NDUFAF5: variants seen among roughly 807,000 people sequenced by gnomAD.
The protein encoded by NDUFAF5 is arginine-hydroxylase NDUFAF5, mitochondrial.
In NDUFAF5, 34 loss-of-function variants were observed where a neutral mutation model predicts 48.9. That is an observed-to-expected ratio of 0.70 (90% confidence interval 0.53 to 0.93). NDUFAF5 has a LOEUF of 0.93. Among genes scored for constraint, NDUFAF5 ranks in the 40% least tolerant of loss-of-function variants. NDUFAF5 has a pLI of 0.00. For synonymous variants in NDUFAF5, 153 were observed against 150.6 expected, an observed-to-expected ratio of 1.02 and a Z score of -0.12; for missense variants, 428 against 427.5, an observed-to-expected ratio of 1.00 and a Z score of -0.01.
rs200637594 is a variant in NDUFAF5 at position 13,817,165 on chromosome 20, A to G, written c.993A>G (p.Leu331=). 1.9e-6 allele frequency: 3 copies of G among 1,614,040 alleles called. No individual in the cohort carries two copies. The highest frequency in any genetic ancestry group is 2.7e-5 in the African/African-American group (2 of 75,052). The part of the protein sequence containing the change: ...RGSATVSFGE[L]GKINNLMPPG... The stretch of plus-strand genomic sequence containing the variant: ...CCGCAACTGTGTCATTTGGAGAGCT[A>G]GGAAAAATAAACAACCTTATGCCAC... Residue 331 remains leucine (L), a synonymous_variant, in exon 11 of 11, where the codon CTA becomes CTG. Coordinates refer to ENST00000378106, the MANE Select transcript of NDUFAF5 (RefSeq NM_024120.5).
intron 4 of NDUFAF5, 104 bp downstream of exon 4, chr20:13,793,331 C>T (rs536231927): frequency 2.9e-6 from 3 of 1,018,112 alleles, no homozygotes; most frequent in East Asian, 5.0e-5. Context: ...TTTTCTGACA[C>T]ATGAAAAGGA....
chr20:13,793,047 A>C lies in NDUFAF5; in HGVS notation c.328-133A>C. 8 of 902,928 alleles carry C rather than the reference A, an allele frequency of 8.9e-6. 1 individual carries two copies. In the South Asian group the frequency reaches 9.6e-5, roughly 11 times the overall value. The allele number at this position is 902,928 out of a possible 1,614,324, so 55.9% of individuals were successfully genotyped here. ...GTGTTATTAAAAGTATTTGTGTACC[A>C]TACTGGTTTTATGCAGAAATATACC... On this transcript the variant is annotated intron_variant, in intron 3 of 10. Transcript: ENST00000378106.
Position 13,818,236 on chromosome 20 carries a change from G to C in NDUFAF5, c.*1026G>C, listed in dbSNP as rs1986721430. The C allele has an allele frequency of 6.6e-6, 3 of 453,902 alleles. No individual in the cohort carries two copies. In the East Asian group the frequency reaches 2.1e-4, roughly 31 times the overall value. 28.1% of individuals were successfully genotyped at this position (453,902 alleles called of 1,614,324 possible). ...GGACTTTCCACATAGTAGATATTCA[G>C]TTACATTTTGAACTAATTATATAAC... On this transcript the variant is annotated 3_prime_UTR_variant, in exon 11 of 11. Transcript: ENST00000378106.
chr20:13,798,619 C>T (rs1362585379), intron 6 of NDUFAF5, 119 bp downstream of exon 6: 8 of 822,624 alleles, frequency 9.7e-6, no homozygotes, highest in Admixed American at 7.7e-5. Flanking sequence ...GGAAAGAAAT[C>T]GGTGAAATCA....
Position 13,819,827 on chromosome 20 carries a change from A to C in NDUFAF5, c.*2617A>C, listed in dbSNP as rs948809898. 3 of 152,220 alleles carry C rather than the reference A, an allele frequency of 2.0e-5. No individual in the cohort carries two copies. Among genetic ancestry groups the C allele is most frequent in the Non-Finnish European group, 4.4e-5 (3 of 68,034 alleles). The allele number at this position is 152,220 out of a possible 1,614,324, so 9.4% of individuals were successfully genotyped here. ...TGTCAATCTCAACACCTTGACCAAA[A>C]TGAACTTTCTTGAGTCATTTCTTCT... On this transcript the variant is annotated 3_prime_UTR_variant, in exon 11 of 11. Transcript: ENST00000378106.
intron 10 of NDUFAF5, 74 bp downstream of exon 10, chr20:13,817,031 G>A: frequency 6.5e-7 from 1 of 1,529,934 alleles, no homozygotes; most frequent in Non-Finnish European, 9.1e-7. Context: ...TTGGGGGAAG[G>A]GGTAATGTAA....
rs755912995 is a variant in NDUFAF5, at chr20:13,788,586, T to A, written c.264-3T>A. On this transcript the variant is annotated splice_polypyrimidine_tract_variant and splice_region_variant and intron_variant, in intron 2 of 10. Transcript: ENST00000378106. ...AGCATAACCTCTGTGTCTTTTTTTT[T>A]AGAAATTTCCCCCTTGCTTTGGATC... The A allele has an allele frequency of 1.4e-5, 23 of 1,608,080 alleles. No individual in the cohort carries two copies. Among genetic ancestry groups the A allele is most frequent in the Non-Finnish European group, 1.9e-5 (22 of 1,174,672 alleles).
intron 6 of NDUFAF5, among the ~76,000 whole-genome samples, chr20:13,799,079 T>C (rs1189453491): frequency 6.6e-6 from 1 of 152,090 alleles, no homozygotes; most frequent in African/African-American, 2.4e-5. Context: ...AATCACAGGA[T>C]AGGTGGAGAG....
intron 8 of NDUFAF5, among the ~76,000 whole-genome samples, chr20:13,815,676 A>G (rs1986373097): frequency 6.6e-6 from 1 of 152,244 alleles, no homozygotes; most frequent in Non-Finnish European, 1.5e-5. Flanking sequence ...GAAACATTTG[A>G]TCATGTGTAA....
chr20:13,811,334 A>G (rs1162271873), intron 8 of NDUFAF5, among the ~76,000 whole-genome samples: 3 of 152,212 alleles, frequency 2.0e-5, no homozygotes, highest in Non-Finnish European at 4.4e-5. Flanking sequence ...TAAAGCAGTT[A>G]CAAGTGATAA....
rs552560834 is a variant in NDUFAF5 at position 13,813,811 on chromosome 20, C to G, written c.779-2652C>G. ...GAATAGGATATGCACATCCTTCACT[C>G]TCCTGATTAAGGAATGGTACCATAA... is the stretch of plus-strand genomic sequence containing the variant. On this transcript the variant is annotated intron_variant, in intron 8 of 10. Coordinates refer to ENST00000378106, the MANE Select transcript of NDUFAF5 (RefSeq NM_024120.5). Among the ~76,000 whole-genome samples the G allele has an allele frequency of 2.0e-5, 3 of 152,290 alleles. 1 individual carries two copies. In the South Asian group the frequency reaches 6.2e-4, roughly 32 times the overall value.
intron 3 of NDUFAF5, among the ~76,000 whole-genome samples, chr20:13,791,655 T>C (rs1300820459): frequency 1.3e-5 from 2 of 152,192 alleles, no homozygotes; most frequent in Non-Finnish European, 2.9e-5. Flanking sequence ...ACAGAGACAT[T>C]TGTTACAGAG....
chr20:13,820,157 A>G lies in NDUFAF5; in HGVS notation c.*2947A>G, dbSNP rs1456479748. ...ATTCCAGGTTGGCCTGGAGAATTCC[A>G]AAGGTAAATATGAAAATGTATACCT... is the stretch of plus-strand genomic sequence containing the variant. On this transcript the variant is annotated 3_prime_UTR_variant, in exon 11 of 11. Coordinates refer to ENST00000378106, the MANE Select transcript of NDUFAF5 (RefSeq NM_024120.5). 2 of 152,214 alleles carry G rather than the reference A, an allele frequency of 1.3e-5. No individual in the cohort carries two copies. The highest frequency in any genetic ancestry group is 4.8e-5 in the African/African-American group (2 of 41,452). The allele number at this position is 152,214 out of a possible 1,614,324, so 9.4% of individuals were successfully genotyped here.
At chr20:13,814,367 T>G in intron 8 of NDUFAF5, 1 of 923,418 alleles carries the variant, frequency 1.1e-6, no homozygotes, top group Non-Finnish European at 1.5e-6. Context: ...TGTATTTTTT[T>G]TCTTAATGGT....
In NDUFAF5 at chr20:13,811,931, G is replaced by T. The variant is rs533036442; in HGVS notation, c.778+3029G>T. Among the ~76,000 whole-genome samples the T allele has an allele frequency of 3.3e-5, 5 of 152,314 alleles. No individual in the cohort carries two copies. The South Asian group carries it at 1.0e-3, about 32-fold the overall frequency. ...GCCTTCATCTGGATCCTGAAAAATT[G>T]TAAGATGATTTAAAGAAAGAGGATT... On this transcript the variant is annotated intron_variant, in intron 8 of 10. Coordinates refer to ENST00000378106, the MANE Select transcript of NDUFAF5 (RefSeq NM_024120.5).
intron 3 of NDUFAF5, among the ~76,000 whole-genome samples, chr20:13,791,794 C>T (rs972063255): frequency 2.0e-5 from 3 of 152,146 alleles, no homozygotes; most frequent in Non-Finnish European, 4.4e-5. Context: ...TGTCTGGTTG[C>T]CTTCATTCTT....
chr20:13,790,741 C>A (rs1982145188), intron 3 of NDUFAF5, among the ~76,000 whole-genome samples: 1 of 152,202 alleles, frequency 6.6e-6, no homozygotes, highest in African/African-American at 2.4e-5. Context: ...TTTTCAGCAA[C>A]CCTGGCCTCC....
chr20:13,816,339 G>A, intron 8 of NDUFAF5, 124 bp from the exon 9 acceptor site: 2 of 754,134 alleles, frequency 2.7e-6, no homozygotes, highest in Non-Finnish European at 4.8e-6. Context: ...TGAGATTTAG[G>A]TTTACATGAC....
chr20:13,808,811 CA>C, intron 7 of NDUFAF5, 30 bp from the exon 8 acceptor site: 1 of 1,432,290 alleles, frequency 7.0e-7, no homozygotes, highest in South Asian at 1.2e-5. Context: ...TCATGAATGT[CA>C]AATGAATATT....
Sources: allele counts gnomAD v4.1 joint callset (sites outside exome capture counted in the v4.1 genomes callset), GRCh38; gene constraint gnomAD v4.1.1; transcripts MANE v1.5; gene names NCBI Gene and HGNC (gene_info 2026-07-23, HGNC 2026-07-21).